Variants in EP400 observed in about 807,000 individuals in gnomAD.
EP400 encodes the protein E1A binding protein p400, also known as E1A-binding protein p400.
In EP400, 105 loss-of-function variants were observed where a neutral mutation model predicts 354.1. The observed-to-expected ratio is 0.30, with a 90% confidence interval of 0.25 to 0.35. EP400 has a LOEUF of 0.35. Among genes scored for constraint, EP400 ranks in the 10% least tolerant of loss-of-function variants. The pLI, the probability that EP400 is intolerant of heterozygous loss-of-function variation, is 1.00. For missense variants in EP400, 3,280 were observed against 4,121.0 expected, an observed-to-expected ratio of 0.80 and a Z score of 5.59; for synonymous variants, 1,646 against 1,716.9, an observed-to-expected ratio of 0.96 and a Z score of 1.02.
At position 132,077,770 on chromosome 12, in the gene EP400, T is replaced by A; in HGVS notation, c.*97T>A. On this transcript the variant is annotated 3_prime_UTR_variant, in exon 53 of 53. Coordinates refer to ENST00000389561, the MANE Select transcript of EP400 (RefSeq NM_015409.5). Reference sequence around the variant, plus strand: ...CTTGGGACCATGTCACGCAAGAGATTCAGCACTGGGAAAGATATAATTGAA... The same window carrying A: ...CTTGGGACCATGTCACGCAAGAGATACAGCACTGGGAAAGATATAATTGAA... The A allele has an allele frequency of 7.4e-7, 1 of 1,356,004 alleles. No homozygotes were observed. Among genetic ancestry groups the A allele is most frequent in the Non-Finnish European group, 9.8e-7 (1 of 1,017,390 alleles). 84.0% of individuals were successfully genotyped at this position (1,356,004 alleles called of 1,614,324 possible).
At chr12:131,964,902 T>C (rs1892025959) in intron 2 of EP400, among the ~76,000 whole-genome samples, 1 of 152,234 alleles carries the variant, frequency 6.6e-6, no homozygotes, top group African/African-American at 2.4e-5. Flanking sequence ...TCCTTCATAG[T>C]GTTTCTTTCC....
chr12:132,005,159 T>C lies in EP400; in HGVS notation c.2910T>C (p.Asp970=). The change falls in exon 13 of 53, where the codon GAT becomes GAC. Residue 970 remains aspartate (D), a synonymous_variant. Transcript: ENST00000389561. The part of the protein sequence containing the change: ...PSSQWPRPKP[D]GEDTSGEEDA... ...CTCAGTGGCCCCGGCCGAAGCCTGATGGGGAGGACACAAGCGGAGAGGAAG... is the reference window on the plus strand; with the variant it reads ...CTCAGTGGCCCCGGCCGAAGCCTGACGGGGAGGACACAAGCGGAGAGGAAG... 1.3e-6 allele frequency: 2 copies of C among 1,581,460 alleles called. No homozygotes were observed. The highest frequency in any genetic ancestry group is 2.3e-5 in the South Asian group (2 of 86,038).
chr12:132,077,280 G>A (rs963956231), intron 52 of EP400, 121 bp from the exon 53 acceptor site: 16 of 1,256,796 alleles, frequency 1.3e-5, no homozygotes, highest in African/African-American at 7.5e-5. Flanking sequence ...TCATTCTTCC[G>A]TGTCATAAAA....
chr12:132,079,371 G>A lies in EP400; in HGVS notation c.*1698G>A, dbSNP rs890670892. ...ACCCGTTCTCCCTGGCTTGGCACGT[G>A]CCGTGAGAGCGCAGCTTGCCGGAGG... is the stretch of plus-strand genomic sequence containing the variant. On this transcript the variant is annotated 3_prime_UTR_variant, in exon 53 of 53. Transcript: ENST00000389561. The A allele has an allele frequency of 6.6e-6, 1 of 152,288 alleles. No homozygotes were observed. The highest frequency in any genetic ancestry group is 2.4e-5 in the African/African-American group (1 of 41,478). The allele number at this position is 152,288 out of a possible 1,614,324, so 9.4% of individuals were successfully genotyped here.
chr12:132,064,028 C>G (rs966922196), intron 47 of EP400, among the ~76,000 whole-genome samples: 1 of 146,940 alleles, frequency 6.8e-6, no homozygotes, highest in East Asian at 2.0e-4. Context: ...CTGATGACCC[C>G]CCCCCGGCCC....
intron 25 of EP400, among the ~76,000 whole-genome samples, chr12:132,026,402 C>G (rs1894305368): frequency 6.6e-6 from 1 of 152,168 alleles, no homozygotes; most frequent in Non-Finnish European, 1.5e-5. Flanking sequence ...TCCAGCCCCA[C>G]CTTTGCATAG....
chr12:132,026,104 A>G (rs926587601), intron 25 of EP400, among the ~76,000 whole-genome samples: 5 of 152,166 alleles, frequency 3.3e-5, no homozygotes, highest in Admixed American at 2.0e-4. Flanking sequence ...GTATATCGCC[A>G]GTGTGCTCCG....
rs752334163 is a variant in EP400, at chr12:132,077,554, G to T, written c.9253G>T (p.Gly3085Cys). ...GGCGTCGGCCCCGCTCCAGACTCCA[G>T]GCGCTCCCAACCCAGCCCAGGTGCC... ...TTASAPLQTP[G>C]APNPAQVPAS... is the part of the protein sequence containing the mutation. The change falls in exon 53 of 53, where the codon GGC becomes TGC. Residue 3085 changes from glycine (G) to cysteine (C), a missense_variant. This residue lies in a region of EP400 where 279 missense variants were observed against 386.7 expected (regional missense o/e 0.72). Transcript: ENST00000389561. 4 of 1,613,908 alleles carry T rather than the reference G, an allele frequency of 2.5e-6. No homozygotes were observed. The South Asian group carries it at 4.4e-5, about 18-fold the overall frequency.
chr12:131,992,361 G>T, intron 11 of EP400, 131 bp downstream of exon 11: 1 of 828,010 alleles, frequency 1.2e-6, no homozygotes, highest in Non-Finnish European at 1.9e-6. Flanking sequence ...TATTTATCCA[G>T]ATGTCTCTCA....
Position 132,029,722 on chromosome 12 carries a change from G to C in EP400, c.5403G>C (p.Pro1801=). ...TCAGGGTGGCCTTTGTGATTCCTCC[G>C]GTGGTGGCAGCACCCCCGTCCCTAC... ...VIDRVAFVIP[P]VVAAPPSLRV... The change falls in exon 28 of 53, where the codon CCG becomes CCC. Residue 1801 remains proline, a synonymous_variant. Transcript: ENST00000389561. The surrounding 1 kb of genome is among the most constrained non-coding windows in gnomAD (Gnocchi z 4.7). The C allele has an allele frequency of 6.2e-7, 1 of 1,612,982 alleles. No individual in the cohort carries two copies.
intron 1 of EP400, among the ~76,000 whole-genome samples, chr12:131,954,228 A>G (rs1320847708): frequency 6.6e-6 from 1 of 151,936 alleles, no homozygotes; most frequent in East Asian, 1.9e-4. Context: ...TTAAAATTAA[A>G]AAAAAAAAAA....
intron 23 of EP400, among the ~76,000 whole-genome samples, chr12:132,021,820 T>C (rs957313727): frequency 2.6e-5 from 4 of 152,256 alleles, no homozygotes; most frequent in African/African-American, 9.6e-5. Flanking sequence ...CCAAGATAAC[T>C]TGTAATAATT....
intron 2 of EP400, among the ~76,000 whole-genome samples, chr12:131,970,960 T>C (rs1047563543): frequency 6.6e-6 from 1 of 152,072 alleles, no homozygotes; most frequent in African/African-American, 2.4e-5. Context: ...TCCCAGCACT[T>C]GGAGAGGCCG....
chr12:132,030,965 A>G (rs1217503815), intron 29 of EP400, among the ~76,000 whole-genome samples: 1 of 152,220 alleles, frequency 6.6e-6, no homozygotes, highest in Non-Finnish European at 1.5e-5. Flanking sequence ...TAAGTCGCGC[A>G]GCCTGCTTTA....
intron 5 of EP400, among the ~76,000 whole-genome samples, chr12:131,986,301 C>T (rs1892850965): frequency 6.6e-6 from 1 of 152,230 alleles, no homozygotes; most frequent in African/African-American, 2.4e-5. Context: ...ATAATGAAAA[C>T]TCCTATTTGG....
In EP400 at chr12:132,029,867, C is replaced by G; in HGVS notation, c.5548C>G (p.Gln1850Glu). 2 of 1,612,814 alleles carry G rather than the reference C, an allele frequency of 1.2e-6. No individual in the cohort carries two copies. The highest frequency in any genetic ancestry group is 1.7e-6 in the Non-Finnish European group (2 of 1,180,026). Reference protein sequence around the residue: ...LRQTTAPRLLQFPELRLVQFD... With the variant: ...LRQTTAPRLLEFPELRLVQFD... ...GCAGACCACGGCTCCACGCCTGCTG[C>G]AGTTCCCTGAGCTGAGGCTGGTGCA... The change falls in exon 28 of 53, where the codon CAG becomes GAG. Residue 1850 changes from glutamine (Q) to glutamate (E), a missense_variant. Around this residue, in one of 20 missense-constraint regions of EP400, gnomAD observed 459 missense variants for 496.9 expected, o/e 0.92. Transcript: ENST00000389561. This position sits in a 1 kb window ranked among gnomAD's most constrained non-coding sequence, Gnocchi z 4.7.
At chr12:132,041,757 G>C (rs534606433) in intron 32 of EP400, among the ~76,000 whole-genome samples, 2 of 152,286 alleles carry the variant, frequency 1.3e-5, no homozygotes, top group South Asian at 2.1e-4. Context: ...AGGCAAAATT[G>C]CTGGTCCTTT....
Position 132,067,574 on chromosome 12 carries a change from C to G in EP400, c.8874+88C>G. On this transcript the variant is annotated intron_variant, in intron 50 of 52. Coordinates refer to ENST00000389561, the MANE Select transcript of EP400 (RefSeq NM_015409.5). The surrounding 1 kb of genome is among the most constrained non-coding windows in gnomAD (Gnocchi z 5.3). ...AGAGGGTCCTAAGCAGACAAATCCC[C>G]ATGTGGCGGCTCACGCTTTTCAGAG... 6.6e-7 allele frequency: 1 copy of G among 1,519,854 alleles called. No homozygotes were observed. The highest frequency in any genetic ancestry group is 8.8e-7 in the Non-Finnish European group (1 of 1,135,032). The allele number at this position is 1,519,854 out of a possible 1,614,324, so 94.1% of individuals were successfully genotyped here. A position where few individuals can be genotyped will look rare whatever the true frequency, so the allele number is the denominator to read the frequency against.
intron 1 of EP400, among the ~76,000 whole-genome samples, chr12:131,955,076 C>T (rs1011506688): frequency 1.3e-5 from 2 of 152,040 alleles, no homozygotes; most frequent in Non-Finnish European, 2.9e-5. Flanking sequence ...GAAACTTAGT[C>T]GTTAAAAATT....
Sources: gnomAD v4.1 joint callset for allele counts (sites outside exome capture counted in the v4.1 genomes callset) on GRCh38, gnomAD v4.1.1 for gene constraint, gnomAD v4.1.1 regional missense constraint, Gnocchi (gnomAD v3.1) non-coding constraint, MANE v1.5 for transcripts, NCBI Gene and HGNC (gene_info 2026-07-23, HGNC 2026-07-21) for gene names.